GALNT7: variants seen among roughly 807,000 people sequenced by gnomAD.
The protein encoded by GALNT7 is polypeptide N-acetylgalactosaminyltransferase 7.
A neutral mutation model predicts 82.1 loss-of-function variants in GALNT7; 60 were observed. The ratio of observed to expected loss-of-function variants is 0.73; its 90% CI spans 0.59 to 0.91. GALNT7 has a LOEUF of 0.91. Among genes scored for constraint, GALNT7 ranks in the 40% least tolerant of loss-of-function variants. The probability of loss-of-function intolerance (pLI) is 0.00; values close to 1 mark genes in which losing one functional copy is unlikely to be tolerated. For missense variants in GALNT7, 660 were observed against 804.2 expected, an observed-to-expected ratio of 0.82 and a Z score of 2.17; for synonymous variants, 243 against 275.1, an observed-to-expected ratio of 0.88 and a Z score of 1.15.
chr4:173,257,764 A>G (rs1735098237), intron 2 of GALNT7, among the ~76,000 whole-genome samples: 1 of 152,208 alleles, frequency 6.6e-6, no homozygotes, highest in Non-Finnish European at 1.5e-5. Flanking sequence ...TGCATTCTCC[A>G]GAGTAGAAAG....
At chr4:173,295,967 C>A (rs1736704730) in intron 5 of GALNT7, 124 bp downstream of exon 5, 2 of 683,904 alleles carry the variant, frequency 2.9e-6, no homozygotes, top group African/African-American at 1.8e-5. Context: ...TAGTGTTATC[C>A]CTCATCTATT....
intron 1 of GALNT7, among the ~76,000 whole-genome samples, chr4:173,212,733 AC>A (rs1733320334): frequency 4.0e-5 from 3 of 74,478 alleles, no homozygotes; most frequent in African/African-American, 8.9e-5. Flanking sequence ...ATATTTTGAC[AC>A]ATGTCTATTG....
At chr4:173,291,003 T>A (rs527409302) in intron 2 of GALNT7, among the ~76,000 whole-genome samples, 1 of 152,320 alleles carries the variant, frequency 6.6e-6, no homozygotes, top group Admixed American at 6.5e-5. Context: ...CCCTTGATGT[T>A]TCTAATTCCG....
chr4:173,196,905 T>G (rs1450492065), intron 1 of GALNT7, among the ~76,000 whole-genome samples: 1 of 152,198 alleles, frequency 6.6e-6, no homozygotes, highest in Non-Finnish European at 1.5e-5. Flanking sequence ...ATTTGGATTT[T>G]TCTTTGCTTC....
intron 1 of GALNT7, among the ~76,000 whole-genome samples, chr4:173,224,775 G>T (rs1446652212): frequency 2.6e-5 from 4 of 151,898 alleles, no homozygotes; most frequent in Non-Finnish European, 2.9e-5. Flanking sequence ...CACTTTGGGA[G>T]GCCGAGGCGG....
intron 2 of GALNT7, among the ~76,000 whole-genome samples, chr4:173,270,945 T>C (rs999693042): frequency 2.0e-5 from 3 of 152,184 alleles, no homozygotes; most frequent in African/African-American, 7.2e-5. Flanking sequence ...ATATATTAGA[T>C]GGAATAACCA....
intron 10 of GALNT7, among the ~76,000 whole-genome samples, chr4:173,318,162 T>C (rs188790662): frequency 3.9e-5 from 6 of 152,338 alleles, no homozygotes; most frequent in African/African-American, 1.4e-4. Flanking sequence ...CTTTTTCATT[T>C]TTTCACATTG....
intron 2 of GALNT7, among the ~76,000 whole-genome samples, chr4:173,291,513 C>T (rs1457591050): frequency 6.6e-6 from 1 of 152,190 alleles, no homozygotes; most frequent in African/African-American, 2.4e-5. Flanking sequence ...ACTCCTGCTA[C>T]AGTTGTTTCA....
chr4:173,283,004 C>T (rs1253276329), intron 2 of GALNT7, among the ~76,000 whole-genome samples: 3 of 152,182 alleles, frequency 2.0e-5, no homozygotes, highest in Non-Finnish European at 2.9e-5. Context: ...CAGATTTTGA[C>T]ATTACCCATC....
intron 1 of GALNT7, among the ~76,000 whole-genome samples, chr4:173,235,815 A>G (rs576773045): frequency 1.4e-3 from 215 of 152,138 alleles, no homozygotes; most frequent in African/African-American, 5.1e-3. Flanking sequence ...TGGCCTCCCA[A>G]AGTGCTGGGA....
chr4:173,276,087 A>G (rs1323994444), intron 2 of GALNT7, among the ~76,000 whole-genome samples: 3 of 152,190 alleles, frequency 2.0e-5, no homozygotes, highest in Non-Finnish European at 4.4e-5. Context: ...TCAGCCTTAA[A>G]TAGAGCAACA....
intron 2 of GALNT7, among the ~76,000 whole-genome samples, chr4:173,265,539 C>A (rs189686017): frequency 6.6e-6 from 1 of 152,016 alleles, no homozygotes; most frequent in Non-Finnish European, 1.5e-5. Context: ...ACATGGTAAG[C>A]AGCAAGTACA....
chr4:173,193,324 T>A (rs1337379894), intron 1 of GALNT7, among the ~76,000 whole-genome samples: 1 of 152,220 alleles, frequency 6.6e-6, no homozygotes, highest in African/African-American at 2.4e-5. Flanking sequence ...ATACACTCCT[T>A]ACAGAAATAA....
Position 173,262,744 on chromosome 4 carries a change from C to T in GALNT7, c.587+14304C>T, listed in dbSNP as rs139851522. On this transcript the variant is annotated intron_variant, in intron 2 of 11. Transcript: ENST00000265000. ...ATTCAGCATACAGATCAGTCTCAGA[C>T]GCTTTTCCTTGACACACCCATCATA... Among the ~76,000 whole-genome samples the T allele has an allele frequency of 5.4e-3, 818 of 151,970 alleles. 10 individuals carry two copies. The highest frequency in any genetic ancestry group is 0.019 in the African/African-American group (789 of 41,444).
intron 1 of GALNT7, among the ~76,000 whole-genome samples, chr4:173,184,776 G>A (rs926841149): frequency 6.6e-6 from 1 of 152,032 alleles, no homozygotes; most frequent in Non-Finnish European, 1.5e-5. Context: ...AGGGTTTTCG[G>A]TACTTTGAAA....
At chr4:173,174,227 C>T (rs1731965054) in intron 1 of GALNT7, among the ~76,000 whole-genome samples, 1 of 152,096 alleles carries the variant, frequency 6.6e-6, no homozygotes, top group South Asian at 2.1e-4. Context: ...TTATAGACTT[C>T]CTGAAATTAA....
In GALNT7 at chr4:173,321,691, G is replaced by A. The variant is rs1264754730; in HGVS notation, c.1948G>A (p.Glu650Lys). 7 of 1,607,840 alleles carry A rather than the reference G, an allele frequency of 4.4e-6. No individual in the cohort carries two copies. Among genetic ancestry groups the A allele is most frequent in the Non-Finnish European group, 6.0e-6 (7 of 1,174,788 alleles). ...CTCCAGTAAAACGACTCAAAAATGGGAAATGAATAACATCCATAGTGTTTA... is the reference window on the plus strand; with the variant it reads ...CTCCAGTAAAACGACTCAAAAATGGAAAATGAATAACATCCATAGTGTTTA... ...CDSSKTTQKW[E>K]MNNIHSV Residue 650 changes from glutamate (E) to lysine (K), a missense_variant, in exon 12 of 12, where the codon GAA becomes AAA. Physicochemically the swap from Glu to Lys is moderately conservative, Grantham distance 56. This residue lies in a region of GALNT7 where 527 missense variants were observed against 683.5 expected (regional missense o/e 0.77). Transcript: ENST00000265000.
chr4:173,286,922 A>T (rs190653202), intron 2 of GALNT7, among the ~76,000 whole-genome samples: 2 of 152,050 alleles, frequency 1.3e-5, no homozygotes, highest in East Asian at 3.9e-4. Context: ...AGATTTTCAG[A>T]CCCTATATCC....
chr4:173,245,636 G>A (rs950032938), intron 1 of GALNT7, among the ~76,000 whole-genome samples: 6 of 152,154 alleles, frequency 3.9e-5, no homozygotes, highest in Non-Finnish European at 8.8e-5. Context: ...CTGGGAACCA[G>A]TTTGTTACAA....
Sources: gnomAD v4.1 joint callset for allele counts (sites outside exome capture counted in the v4.1 genomes callset) on GRCh38, gnomAD v4.1.1 for gene constraint, gnomAD v4.1.1 regional missense constraint, MANE v1.5 for transcripts, NCBI Gene and HGNC (gene_info 2026-07-23, HGNC 2026-07-21) for gene names.